KLRD1: variants seen among roughly 807,000 people sequenced by gnomAD.
KLRD1 encodes the protein killer cell lectin like receptor D1.
Under a neutral mutation model 22.6 loss-of-function variants are expected in KLRD1, and 21 were observed. That is an observed-to-expected ratio of 0.93 (90% CI 0.66 to 1.34). KLRD1 has a LOEUF of 1.34. KLRD1 is among the 40% of genes most tolerant of loss of function. The pLI is 0.00. For missense variants in KLRD1, 183 were observed against 208.6 expected, an observed-to-expected ratio of 0.88 and a Z score of 0.76; for synonymous variants, 59 against 71.1, an observed-to-expected ratio of 0.83 and a Z score of 0.85.
At chr12:10,299,275 T>C (rs1233460437) in intron 1 of KLRD1, among the ~76,000 whole-genome samples, 3 of 152,122 alleles carry the variant, frequency 2.0e-5, no homozygotes, top group Non-Finnish European at 4.4e-5. Context: ...CAGAGGTATC[T>C]AGATGAAGTT....
chr12:10,286,498 G>A (rs1230532586), intron 1 of KLRD1, among the ~76,000 whole-genome samples: 4 of 152,052 alleles, frequency 2.6e-5, no homozygotes, highest in South Asian at 2.1e-4. Flanking sequence ...TCAAGTTTAC[G>A]ATCTACCAAA....
intron 1 of KLRD1, among the ~76,000 whole-genome samples, chr12:10,269,059 G>A (rs1949526016): frequency 4.6e-5 from 7 of 151,962 alleles, no homozygotes. Context: ...TTTTAGGTGG[G>A]GTGGAGTGAG....
chr12:10,257,375 C>T (rs1325407450), intron 1 of KLRD1, among the ~76,000 whole-genome samples: 5 of 150,638 alleles, frequency 3.3e-5, no homozygotes, highest in African/African-American at 7.3e-5. Context: ...TGTTAAATAA[C>T]GTCCATTAAA....
Position 10,324,762 on chromosome 12 carries a change from C to T in KLRD1, c.*9969C>T, listed in dbSNP as rs993410707. The T allele has an allele frequency of 2.2e-5, 3 of 138,666 alleles. No homozygotes were observed. Among genetic ancestry groups the T allele is most frequent in the Non-Finnish European group, 4.6e-5 (3 of 64,866 alleles). 8.6% of individuals were successfully genotyped at this position (138,666 alleles called of 1,614,324 possible). ...TTAAAGCTATTATACATTTTATTTTCTAATTTCAAATGTTTTATTTTAAAA... is the reference window on the plus strand; with the variant it reads ...TTAAAGCTATTATACATTTTATTTTTTAATTTCAAATGTTTTATTTTAAAA... On this transcript the variant is annotated 3_prime_UTR_variant, in exon 6 of 6. Transcript: ENST00000336164.
chr12:10,271,401 C>G (rs2137644209), intron 1 of KLRD1, among the ~76,000 whole-genome samples: 1 of 152,314 alleles, frequency 6.6e-6, no homozygotes, highest in Middle Eastern at 3.4e-3. Flanking sequence ...GTTGACCATT[C>G]TCATTTGCTC....
In KLRD1 at chr12:10,321,559, T is replaced by A. The variant is rs1484720965; in HGVS notation, c.*6766T>A. ...TTTTGATATAATCAATTACATTGTATAAGGGTTGATCACTGTGACCAAGAG... is the reference window on the plus strand; with the variant it reads ...TTTTGATATAATCAATTACATTGTAAAAGGGTTGATCACTGTGACCAAGAG... On this transcript the variant is annotated 3_prime_UTR_variant, in exon 6 of 6. Coordinates refer to ENST00000336164, the MANE Select transcript of KLRD1 (RefSeq NM_002262.5). The A allele has an allele frequency of 6.6e-6, 1 of 152,232 alleles. No homozygotes were observed. Among genetic ancestry groups the A allele is most frequent in the Non-Finnish European group, 1.5e-5 (1 of 68,042 alleles). 9.4% of individuals were successfully genotyped at this position (152,232 alleles called of 1,614,324 possible).
chr12:10,276,964 CAA>C (rs1351909219), intron 1 of KLRD1, among the ~76,000 whole-genome samples: 1 of 152,038 alleles, frequency 6.6e-6, no homozygotes, highest in Non-Finnish European at 1.5e-5. Flanking sequence ...TAAGTGGAAA[CAA>C]AATCATTCAG....
At position 10,316,241 on chromosome 12, in the gene KLRD1, C is replaced by G. The variant is rs1950225418; in HGVS notation, c.*1448C>G. Reference sequence around the variant, plus strand: ...GTAACATCCCATCATAATCCCAAATCCTACTCAAACAAAAGGGGAAGGGAT... The same window carrying G: ...GTAACATCCCATCATAATCCCAAATGCTACTCAAACAAAAGGGGAAGGGAT... On this transcript the variant is annotated 3_prime_UTR_variant, in exon 6 of 6. Coordinates refer to ENST00000336164, the MANE Select transcript of KLRD1 (RefSeq NM_002262.5). 6.6e-6 allele frequency: 1 copy of G among 151,696 alleles called. No individual in the cohort carries two copies. Among genetic ancestry groups the G allele is most frequent in the Non-Finnish European group, 1.5e-5 (1 of 67,974 alleles). 9.4% of individuals were successfully genotyped at this position (151,696 alleles called of 1,614,324 possible). A position where few individuals can be genotyped will look rare whatever the true frequency, so the allele number is the denominator to read the frequency against.
rs146956163 is a variant in KLRD1, at chr12:10,251,024, T to C, written c.-101+24791T>C. Among the ~76,000 whole-genome samples, 533 of 152,328 alleles carry C rather than the reference T, an allele frequency of 3.5e-3. 4 individuals are homozygous for C. The highest frequency in any genetic ancestry group is 0.012 in the African/African-American group (517 of 41,556). On this transcript the variant is annotated intron_variant, in intron 1 of 5. Transcript: ENST00000544747. Reference sequence around the variant, plus strand: ...TGTAATCGGGATTTCTGAAGTTCCATAAACTGGAGCTAACATATGTTGCCT... The same window carrying C: ...TGTAATCGGGATTTCTGAAGTTCCACAAACTGGAGCTAACATATGTTGCCT...
At chr12:10,263,505 TA>T (rs1357782795) in intron 1 of KLRD1, among the ~76,000 whole-genome samples, 1 of 152,084 alleles carries the variant, frequency 6.6e-6, no homozygotes, top group African/African-American at 2.4e-5. Context: ...TAATTTGAAT[TA>T]ATTTTAGTCT....
intron 1 of KLRD1, among the ~76,000 whole-genome samples, chr12:10,291,076 T>C (rs955168898): frequency 2.0e-5 from 3 of 152,264 alleles, no homozygotes; most frequent in African/African-American, 7.2e-5. Context: ...TGTAAATGTT[T>C]ACACTGTACT....
chr12:10,239,449 C>CCTTATT (rs751625625), intron 1 of KLRD1, among the ~76,000 whole-genome samples: 18,764 of 56,446 alleles, frequency 0.33, 2,808 homozygotes, highest in East Asian at 0.58. Flanking sequence ...TTCCTTCCTT[C>CCTTATT]CTTCCTTCCT....
chr12:10,240,714 A>T (rs1414369479), intron 1 of KLRD1, among the ~76,000 whole-genome samples: 1 of 152,182 alleles, frequency 6.6e-6, no homozygotes, highest in Non-Finnish European at 1.5e-5. Flanking sequence ...ATCAAGGTGA[A>T]ATATCAGACA....
chr12:10,258,376 A>T (rs925938503), intron 1 of KLRD1, among the ~76,000 whole-genome samples: 1 of 152,150 alleles, frequency 6.6e-6, no homozygotes, highest in African/African-American at 2.4e-5. Context: ...CACAATATAA[A>T]CTACTCTTTC....
At chr12:10,274,144 G>A (rs1000075673) in intron 1 of KLRD1, among the ~76,000 whole-genome samples, 1 of 152,020 alleles carries the variant, frequency 6.6e-6, no homozygotes, top group Non-Finnish European at 1.5e-5. Context: ...GCTGGGGGTG[G>A]TGGTGCATGC....
intron 1 of KLRD1, among the ~76,000 whole-genome samples, chr12:10,278,781 G>A (rs1233796502): frequency 6.6e-6 from 1 of 152,016 alleles, no homozygotes; most frequent in Non-Finnish European, 1.5e-5. Flanking sequence ...TGCAAATCAT[G>A]GCTGTTTTTG....
At chr12:10,247,929 C>T (rs1949307448) in intron 1 of KLRD1, among the ~76,000 whole-genome samples, 1 of 152,176 alleles carries the variant, frequency 6.6e-6, no homozygotes, top group African/African-American at 2.4e-5. Context: ...ATTACCCAGT[C>T]TCGAGTATGT....
chr12:10,245,168 G>A lies in KLRD1; in HGVS notation c.-101+18935G>A, dbSNP rs145766098. ...AGGTCACGAGTTCAAGACCAGCCTG[G>A]CCAATATGGTGAAACTCTGCCTCTA... On this transcript the variant is annotated intron_variant, in intron 1 of 5. Coordinates refer to the KLRD1 transcript ENST00000544747. 2.9e-3 allele frequency among the ~76,000 whole-genome samples: 446 copies of A among 152,194 alleles called. 1 individual carries two copies. Among genetic ancestry groups the A allele is most frequent in the Non-Finnish European group, 5.0e-3 (340 of 68,018 alleles).
At chr12:10,243,627 A>AC (rs1949262196) in intron 1 of KLRD1, among the ~76,000 whole-genome samples, 1 of 150,210 alleles carries the variant, frequency 6.7e-6, no homozygotes, top group Non-Finnish European at 1.5e-5. Context: ...AAAAAAAAAA[A>AC]AAAAAACCGA....
Sources: allele counts gnomAD v4.1 joint callset (sites outside exome capture counted in the v4.1 genomes callset), GRCh38; gene constraint gnomAD v4.1.1; transcripts MANE v1.5; gene names NCBI Gene and HGNC (gene_info 2026-07-23, HGNC 2026-07-21).